Variants in LRRTM4 observed in about 807,000 individuals in gnomAD.
LRRTM4 encodes leucine rich repeat transmembrane neuronal 4.
In LRRTM4, 25 loss-of-function variants were observed where a neutral mutation model predicts 47.6. The ratio of observed to expected loss-of-function variants is 0.53; its 90% CI spans 0.38 to 0.73. The LOEUF (loss-of-function observed/expected upper bound fraction) is 0.73, where lower values mean the gene tolerates loss of function less well. Ranked by LOEUF, LRRTM4 falls within the 30% of genes least tolerant of loss-of-function variation. The pLI is 0.00. For missense variants in LRRTM4, 638 were observed against 713.4 expected (o/e 0.89, Z 1.20); for synonymous variants, 311 against 269.5 (o/e 1.15, Z -1.51).
chr2:76,957,334 T>C (rs1001420125), intron 3 of LRRTM4, among the ~76,000 whole-genome samples: 2 of 151,718 alleles, frequency 1.3e-5, no homozygotes, highest in African/African-American at 4.8e-5. Context: ...AGATATGCTC[T>C]ACAACAAAGT....
chr2:77,517,217 A>G (rs1679244452), intron 3 of LRRTM4: 1 of 985,106 alleles, frequency 1.0e-6, no homozygotes, highest in Non-Finnish European at 1.2e-6. Flanking sequence ...CCTGTAAGTG[A>G]TCTTTTAAAT....
intron 3 of LRRTM4, chr2:77,516,785 A>G (rs1679222068): frequency 1.0e-6 from 1 of 977,244 alleles, no homozygotes; most frequent in Non-Finnish European, 1.2e-6. Flanking sequence ...AAAAGAAGAA[A>G]ATGAATTCTT....
intron 3 of LRRTM4, among the ~76,000 whole-genome samples, chr2:77,298,628 T>A (rs1396376781): frequency 6.6e-6 from 1 of 152,194 alleles, no homozygotes; most frequent in Non-Finnish European, 1.5e-5. Flanking sequence ...TAGAGACAAT[T>A]TTTATGCCCT....
chr2:77,089,810 T>G (rs1448730229), intron 3 of LRRTM4, among the ~76,000 whole-genome samples: 1 of 152,186 alleles, frequency 6.6e-6, no homozygotes, highest in Non-Finnish European at 1.5e-5. Flanking sequence ...AATGGCACTT[T>G]GAATTTTTCC....
intron 3 of LRRTM4, among the ~76,000 whole-genome samples, chr2:77,125,872 G>A (rs1671640213): frequency 6.7e-6 from 1 of 150,066 alleles, no homozygotes; most frequent in Admixed American, 6.7e-5. Flanking sequence ...ACACATAAAT[G>A]TGTGTGCACA....
chr2:77,478,295 T>C (rs1677517553), intron 3 of LRRTM4, among the ~76,000 whole-genome samples: 2 of 152,188 alleles, frequency 1.3e-5, no homozygotes, highest in African/African-American at 2.4e-5. Context: ...ATAAAAATGT[T>C]ATTTTAAAAT....
chr2:77,428,237 G>A (rs1326243966), intron 3 of LRRTM4, among the ~76,000 whole-genome samples: 1 of 152,086 alleles, frequency 6.6e-6, no homozygotes, highest in Non-Finnish European at 1.5e-5. Context: ...CTAGTCTTGG[G>A]CAGTTGTTTA....
At chr2:76,940,965 T>C (rs1046619623) in intron 3 of LRRTM4, among the ~76,000 whole-genome samples, 2 of 152,194 alleles carry the variant, frequency 1.3e-5, no homozygotes, top group Non-Finnish European at 2.9e-5. Flanking sequence ...CCACTTTTGT[T>C]ATCTTCAGAA....
At chr2:77,058,535 T>C (rs902282781) in intron 3 of LRRTM4, among the ~76,000 whole-genome samples, 1 of 152,170 alleles carries the variant, frequency 6.6e-6, no homozygotes, top group Non-Finnish European at 1.5e-5. Flanking sequence ...ATTTTCTTTT[T>C]CCTATTTTCA....
intron 3 of LRRTM4, among the ~76,000 whole-genome samples, chr2:77,136,335 G>T (rs1671940985): frequency 2.6e-5 from 4 of 152,178 alleles, no homozygotes; most frequent in Admixed American, 2.0e-4. Context: ...TTGCTGTTCT[G>T]CAGCCTCCGC....
At chr2:76,919,316 G>T (rs1558738525) in intron 3 of LRRTM4, among the ~76,000 whole-genome samples, 1 of 152,116 alleles carries the variant, frequency 6.6e-6, no homozygotes, top group East Asian at 1.9e-4. Context: ...TAAACTAAGT[G>T]ATCAAACTGG....
intron 3 of LRRTM4, among the ~76,000 whole-genome samples, chr2:77,280,929 C>T (rs1171744541): frequency 6.6e-6 from 1 of 151,940 alleles, no homozygotes; most frequent in Admixed American, 6.6e-5. Flanking sequence ...TGTCAAATGC[C>T]TGGCTTAAAT....
chr2:76,824,372 A>T (rs1302747009), intron 3 of LRRTM4, among the ~76,000 whole-genome samples: 1 of 151,598 alleles, frequency 6.6e-6, no homozygotes, highest in Non-Finnish European at 1.5e-5. Context: ...TATCTGCATA[A>T]TTGTCATAGA....
At position 77,521,785 on chromosome 2, in the gene LRRTM4, T is replaced by C; in HGVS notation, c.-114A>G. 1 of 1,111,074 alleles carries C rather than the reference T, an allele frequency of 9.0e-7. No homozygotes were observed. The highest frequency in any genetic ancestry group is 1.3e-5 in the South Asian group (1 of 74,872). 68.8% of individuals were successfully genotyped at this position (1,111,074 alleles called of 1,614,324 possible). ...AGTGCGGCTGTCATTCACACCATTC[T>C]GATCCCGCATGTGAGCTAGTAGCCC... On this transcript the variant is annotated 5_prime_UTR_variant, in exon 2 of 4. Coordinates refer to ENST00000409884, the MANE Select transcript of LRRTM4 (RefSeq NM_001134745.3).
chr2:77,216,417 A>G (rs952237625), intron 3 of LRRTM4, among the ~76,000 whole-genome samples: 1 of 152,184 alleles, frequency 6.6e-6, no homozygotes, highest in Non-Finnish European at 1.5e-5. Context: ...CTGTAATCCC[A>G]GCACTTTGGG....
At chr2:77,173,892 C>A (rs985937918) in intron 3 of LRRTM4, among the ~76,000 whole-genome samples, 1 of 152,132 alleles carries the variant, frequency 6.6e-6, no homozygotes, top group African/African-American at 2.4e-5. Flanking sequence ...TTGCTTGAAC[C>A]TTTTTCTAAA....
intron 3 of LRRTM4, among the ~76,000 whole-genome samples, chr2:77,112,288 G>A (rs1431401605): frequency 6.6e-6 from 1 of 152,076 alleles, no homozygotes; most frequent in Non-Finnish European, 1.5e-5. Flanking sequence ...CTTTCAAGTG[G>A]AATTTAAACT....
intron 3 of LRRTM4, among the ~76,000 whole-genome samples, chr2:77,480,429 T>A (rs1204875748): frequency 1.3e-5 from 2 of 152,152 alleles, no homozygotes; most frequent in Non-Finnish European, 2.9e-5. Flanking sequence ...TTTAATGTGT[T>A]AGCAATGCAA....
intron 3 of LRRTM4, among the ~76,000 whole-genome samples, chr2:77,186,082 T>A (rs952263774): frequency 5.9e-5 from 9 of 152,120 alleles, no homozygotes; most frequent in Admixed American, 2.6e-4. Flanking sequence ...TCTAATATAT[T>A]CATTGTTTTT....
Sources: gnomAD v4.1 joint callset for allele counts (sites outside exome capture counted in the v4.1 genomes callset) on GRCh38, gnomAD v4.1.1 for gene constraint, MANE v1.5 for transcripts, NCBI Gene and HGNC (gene_info 2026-07-23, HGNC 2026-07-21) for gene names.